SEC31A: variants seen among roughly 807,000 people sequenced by gnomAD.
SEC31A encodes protein transport protein Sec31A.
A neutral mutation model predicts 151.0 loss-of-function variants in SEC31A; 70 were observed. That is an observed-to-expected ratio of 0.46 (90% CI 0.38 to 0.57). The LOEUF is 0.57. Ranked by LOEUF, SEC31A falls within the 20% of genes least tolerant of loss-of-function variation. The pLI is 0.00. For synonymous variants in SEC31A, 475 were observed against 505.9 expected (o/e 0.94, Z 0.82); for missense variants, 1,330 against 1,471.2 (o/e 0.90, Z 1.57).
intron 8 of SEC31A, among the ~76,000 whole-genome samples, chr4:82,867,776 G>A (rs1416345868): frequency 6.6e-6 from 1 of 152,160 alleles, no homozygotes; most frequent in Admixed American, 6.5e-5. Flanking sequence ...GGGATTACAG[G>A]CGCCCATCAT....
At chr4:82,899,994 T>A (rs1720245384) in intron 2 of SEC31A, 1 of 152,296 alleles carries the variant, frequency 6.6e-6, no homozygotes, top group African/African-American at 2.4e-5. Flanking sequence ...AAGCTATTCA[T>A]AATGCCTCAT....
chr4:82,845,158 G>C (rs2149275231), intron 20 of SEC31A: 1 of 1,265,628 alleles, frequency 7.9e-7, no homozygotes, highest in East Asian at 2.5e-5. Context: ...TGTATATTTA[G>C]GTGAGCAGAA....
At chr4:82,829,579 A>C (rs999524241) in intron 22 of SEC31A, among the ~76,000 whole-genome samples, 2 of 152,204 alleles carry the variant, frequency 1.3e-5, no homozygotes, top group African/African-American at 4.8e-5. Context: ...GCAGACTCCA[A>C]CTATGTAACA....
At chr4:82,898,366 AT>A (rs1720152195) in intron 3 of SEC31A, among the ~76,000 whole-genome samples, 1 of 152,272 alleles carries the variant, frequency 6.6e-6, no homozygotes, top group Non-Finnish European at 1.5e-5. Context: ...AGAAAAAAAA[AT>A]TCCATCTATA....
At chr4:82,856,206 A>C (rs940275605) in intron 16 of SEC31A, among the ~76,000 whole-genome samples, 1 of 152,006 alleles carries the variant, frequency 6.6e-6, no homozygotes, top group African/African-American at 2.4e-5. Flanking sequence ...GCTGGAGTGC[A>C]ATGGCGTGAT....
chr4:82,891,573 T>C (rs769414224), upstream of SEC31A, among the ~76,000 whole-genome samples: 4 of 152,148 alleles, frequency 2.6e-5, no homozygotes. Context: ...AGGTGGAAAA[T>C]CGGGCTGCAA....
chr4:82,876,087 A>T (rs988829395), intron 4 of SEC31A, among the ~76,000 whole-genome samples: 4 of 150,308 alleles, frequency 2.7e-5, no homozygotes, highest in African/African-American at 4.9e-5. Context: ...ATATTATTTT[A>T]AAAATTATAT....
upstream of SEC31A, among the ~76,000 whole-genome samples, chr4:82,892,128 C>T (rs1001363508): frequency 1.3e-5 from 2 of 152,238 alleles, no homozygotes; most frequent in Admixed American, 1.3e-4. Flanking sequence ...AGCTTAACAT[C>T]AATTCACGCC....
intron 20 of SEC31A, among the ~76,000 whole-genome samples, chr4:82,846,368 TAATAATAA>T (rs922156270): frequency 3.6e-5 from 5 of 139,646 alleles, no homozygotes; most frequent in African/African-American, 1.4e-4. Flanking sequence ...CTCCAAAACA[TAATAATAA>T]TAATAATAAT....
At position 82,842,266 on chromosome 4, in the gene SEC31A, A is replaced by C. The variant is rs1219286788; in HGVS notation, c.2842T>G (p.Ser948Ala). Residue 948 changes from serine to alanine, a missense_variant, in exon 22 of 27, where the codon TCC becomes GCC. Physicochemically the swap from Ser to Ala is moderately conservative, Grantham distance 99 (BLOSUM62 1). Coordinates refer to ENST00000395310, the MANE Select transcript of SEC31A (RefSeq NM_001077207.4). ...SPATSFPPPP[S>A]SGASFQHGGP... is the part of the protein sequence containing the mutation. ...CCATGCTGGAAGGATGCTCCAGAGG[A>C]AGGGGGAGGAGGGAAAGAAGTAGCA... 1.2e-6 allele frequency: 2 copies of C among 1,613,928 alleles called. No individual in the cohort carries two copies. The highest frequency in any genetic ancestry group is 1.7e-6 in the Non-Finnish European group (2 of 1,179,940).
chr4:82,889,294 A>G (rs553526823), intron 1 of SEC31A, among the ~76,000 whole-genome samples: 41 of 152,270 alleles, frequency 2.7e-4, no homozygotes, highest in Admixed American at 1.3e-3. Flanking sequence ...TAACTTGTAA[A>G]CTTCATAATA....
chr4:82,884,181 G>A (rs570989000), intron 1 of SEC31A, among the ~76,000 whole-genome samples: 1 of 151,610 alleles, frequency 6.6e-6, no homozygotes, highest in African/African-American at 2.4e-5. Flanking sequence ...TAGAGACGGG[G>A]TTTCACCATG....
At chr4:82,827,759 C>T in intron 23 of SEC31A, 127 bp from the exon 24 acceptor site, 3 of 861,270 alleles carry the variant, frequency 3.5e-6, no homozygotes, top group Non-Finnish European at 5.4e-6. Flanking sequence ...TAGTAGAATA[C>T]TTTTTTCAAA....
At chr4:82,874,830 T>C in intron 5 of SEC31A, 79 bp from the exon 6 acceptor site, 1 of 1,513,224 alleles carries the variant, frequency 6.6e-7, no homozygotes, top group South Asian at 1.2e-5. Context: ...GGATCCTTCA[T>C]TTTGAAAAGT....
chr4:82,875,388 C>T (rs1298678393), intron 5 of SEC31A, among the ~76,000 whole-genome samples: 1 of 152,016 alleles, frequency 6.6e-6, no homozygotes, highest in Non-Finnish European at 1.5e-5. Flanking sequence ...TGGTTGTTGC[C>T]AAAACACAGA....
In SEC31A at chr4:82,865,407, C is replaced by T. The variant is rs75060964; in HGVS notation, c.1198-809G>A. Among the ~76,000 whole-genome samples, 1,107 of 151,734 alleles carry T rather than the reference C, an allele frequency of 7.3e-3. 15 individuals are homozygous for T. The highest frequency in any genetic ancestry group is 0.01 in the Middle Eastern group (3 of 292). ...GCAATCCCACTTCTGGGTATATGTC[C>T]CAAAAAACTGAAAGCAGGATCCCAA... On this transcript the variant is annotated intron_variant, in intron 10 of 26. Coordinates refer to ENST00000395310, the MANE Select transcript of SEC31A (RefSeq NM_001077207.4).
chr4:82,888,289 T>C (rs1258019925), intron 1 of SEC31A, among the ~76,000 whole-genome samples: 1 of 131,406 alleles, frequency 7.6e-6, no homozygotes, highest in Non-Finnish European at 1.5e-5. Flanking sequence ...GGCAGAAGAA[T>C]CGCTTGAACC....
At chr4:82,868,396 G>A (rs941176181) in intron 8 of SEC31A, among the ~76,000 whole-genome samples, 10 of 151,910 alleles carry the variant, frequency 6.6e-5, no homozygotes, top group Non-Finnish European at 1.0e-4. Context: ...TGTTAGCTGG[G>A]AGGCTGAGGT....
chr4:82,837,774 T>C (rs1447199861), intron 22 of SEC31A, among the ~76,000 whole-genome samples: 5 of 152,208 alleles, frequency 3.3e-5, no homozygotes, highest in African/African-American at 1.2e-4. Flanking sequence ...CTCACATGCA[T>C]GGGTGGAGTT....
Sources: allele counts gnomAD v4.1 joint callset (sites outside exome capture counted in the v4.1 genomes callset), GRCh38; gene constraint gnomAD v4.1.1; transcripts MANE v1.5; gene names NCBI Gene and HGNC (gene_info 2026-07-23, HGNC 2026-07-21).